Variants in PEX1 observed in about 807,000 individuals in gnomAD.
The protein encoded by PEX1 is peroxisomal ATPase PEX1.
A neutral mutation model predicts 152.5 loss-of-function variants in PEX1; 97 were observed. The observed-to-expected ratio is 0.64, with a 90% confidence interval of 0.54 to 0.75. PEX1 has a LOEUF of 0.75. PEX1 is among the 30% of genes least tolerant of loss of function. The probability of loss-of-function intolerance (pLI) is 0.00; values close to 1 mark genes in which losing one functional copy is unlikely to be tolerated. For missense variants in PEX1, 1,357 were observed against 1,516.3 expected (o/e 0.89, Z 1.74); for synonymous variants, 485 against 531.6 (o/e 0.91, Z 1.21).
chr7:92,494,577 C>T lies in PEX1; in HGVS notation c.2836G>A (p.Ala946Thr). Residue 946 changes from alanine (A) to threonine (T), a missense_variant, in exon 18 of 24, where the codon GCT becomes ACT. Ala to Thr is a moderately conservative substitution (Grantham distance 58). Coordinates refer to ENST00000248633, the MANE Select transcript of PEX1 (RefSeq NM_000466.3). ...ILFFDEFESI[A>T]PRRGHDNTGV... ...GTATTATCATGACCCCGCCGAGGAG[C>T]AATGGATTCAAATTCATCAAAGAAA... 1 of 1,613,954 alleles carries T rather than the reference C, an allele frequency of 6.2e-7. No homozygotes were observed. The highest frequency in any genetic ancestry group is 8.5e-7 in the Non-Finnish European group (1 of 1,179,858).
In PEX1 at chr7:92,494,625, G is replaced by C; in HGVS notation, c.2788C>G (p.Gln930Glu). Residue 930 changes from glutamine (Q) to glutamate (E), a missense_variant, in exon 18 of 24, where the codon CAG becomes GAG. Transcript: ENST00000248633. ...QAVRDIFIRA[Q>E]AAKPCILFFD... ...AAAAGAATGCAGGGCTTTGCAGCCT[G>C]TGCTCTGGGAAAAACAAACAACATT... 1.9e-6 allele frequency: 3 copies of C among 1,613,842 alleles called. No homozygotes were observed. The African/African-American group carries it at 4.0e-5, about 22-fold the overall frequency.
intron 11 of PEX1, 120 bp from the exon 12 acceptor site, chr7:92,505,022 ATT>A: frequency 1.3e-6 from 1 of 743,656 alleles, no homozygotes; most frequent in Non-Finnish European, 2.3e-6. Context: ...TTTGATCTAT[ATT>A]TTATTAATAT....
At chr7:92,508,214 G>C (rs1792291676) in intron 9 of PEX1, among the ~76,000 whole-genome samples, 2 of 152,156 alleles carry the variant, frequency 1.3e-5, no homozygotes. Context: ...CTTCTTGACT[G>C]TGACTGCCTG....
At chr7:92,506,680 C>G (rs1157752946) in intron 10 of PEX1, 8 of 496,340 alleles carry the variant, frequency 1.6e-5, no homozygotes, top group Non-Finnish European at 2.9e-5. Context: ...GTATGCAAGG[C>G]TGGTTCAACA....
At chr7:92,493,164 ATAAAAT>A in intron 19 of PEX1, 35 bp from the exon 20 acceptor site, 1 of 1,184,466 alleles carries the variant, frequency 8.4e-7, no homozygotes. Context: ...CAAATAAAAA[ATAAAAT>A]TAAAAATATT....
chr7:92,500,197 A>C (rs73710410), intron 15 of PEX1, among the ~76,000 whole-genome samples: 4,943 of 152,312 alleles, frequency 0.032, 106 homozygotes, highest in Non-Finnish European at 0.042. Context: ...AAGTTATGAG[A>C]GCTGTGTACA....
chr7:92,510,896 A>G, intron 8 of PEX1, 48 bp downstream of exon 8: 1 of 999,478 alleles, frequency 1.0e-6, no homozygotes, highest in Non-Finnish European at 1.6e-6. Flanking sequence ...ATTATCAATC[A>G]TATGTAACAA....
At chr7:92,515,078 T>TCC (rs1792669843) in intron 5 of PEX1, among the ~76,000 whole-genome samples, 2 of 538 alleles carry the variant, frequency 3.7e-3, no homozygotes, top group African/African-American at 0.014. Context: ...TATATATATA[T>TCC]ATATATATAT....
chr7:92,503,201 A>G lies in PEX1; in HGVS notation c.2072-6T>C, dbSNP rs761399118. 4 of 1,612,408 alleles carry G rather than the reference A, an allele frequency of 2.5e-6. No individual in the cohort carries two copies. The African/African-American group carries it at 4.0e-5, about 16-fold the overall frequency. On this transcript the variant is annotated splice_region_variant and splice_polypyrimidine_tract_variant and intron_variant, in intron 12 of 23. Coordinates refer to ENST00000248633, the MANE Select transcript of PEX1 (RefSeq NM_000466.3). The stretch of plus-strand genomic sequence containing the variant: ...TTTTATCATATCATTCAAAGCTGGA[A>G]TTAAGCAATATAGTGCAAAAGCTTA...
intron 20 of PEX1, 199 bp from the exon 21 acceptor site, chr7:92,491,701 T>C: frequency 1.9e-6 from 1 of 538,936 alleles, no homozygotes; most frequent in Non-Finnish European, 3.3e-6. Context: ...AGATAGAATG[T>C]GTAGATAATT....
chr7:92,496,916 G>A (rs1791680172), intron 16 of PEX1, 139 bp from the exon 17 acceptor site: 2 of 667,512 alleles, frequency 3.0e-6, no homozygotes, highest in Non-Finnish European at 5.4e-6. Flanking sequence ...AAATTAATGT[G>A]TGCTAGAATA....
chr7:92,504,839 T>G lies in PEX1; in HGVS notation c.1964A>C (p.Gln655Pro). ...EVAFSEAVWM[Q>P]PSVVLLDDLD... Reference sequence around the variant, plus strand: ...GTCATCCAGCAGGACAACAGATGGCTGCATCCACACTGCCTCTGAGAAAGC... The same window carrying G: ...GTCATCCAGCAGGACAACAGATGGCGGCATCCACACTGCCTCTGAGAAAGC... The change falls in exon 12 of 24, where the codon CAG becomes CCG. Residue 655 changes from glutamine (Q) to proline (P), a missense_variant. Coordinates refer to ENST00000248633, the MANE Select transcript of PEX1 (RefSeq NM_000466.3). 1.2e-6 allele frequency: 2 copies of G among 1,614,056 alleles called. No individual in the cohort carries two copies. Among genetic ancestry groups the G allele is most frequent in the Non-Finnish European group, 1.7e-6 (2 of 1,179,886 alleles).
intron 2 of PEX1, among the ~76,000 whole-genome samples, chr7:92,519,534 G>C (rs1792961141): frequency 6.6e-6 from 1 of 152,112 alleles, no homozygotes; most frequent in African/African-American, 2.4e-5. Flanking sequence ...TTTCAAAAAT[G>C]AAAGTAATCA....
chr7:92,502,280 T>G (rs1286041707), intron 13 of PEX1, among the ~76,000 whole-genome samples: 1 of 152,114 alleles, frequency 6.6e-6, no homozygotes. Context: ...TTTCCTTAAT[T>G]GTGGTGATGG....
intron 2 of PEX1, among the ~76,000 whole-genome samples, chr7:92,519,510 C>T (rs551396955): frequency 6.6e-6 from 1 of 152,222 alleles, no homozygotes; most frequent in Admixed American, 6.5e-5. Flanking sequence ...AAATACATCT[C>T]AGCATGACAT....
intron 2 of PEX1, among the ~76,000 whole-genome samples, chr7:92,521,116 T>G (rs765018507): frequency 6.6e-6 from 1 of 152,134 alleles, no homozygotes; most frequent in African/African-American, 2.4e-5. Context: ...TTTGCTACCA[T>G]GCCCAGCTAA....
At chr7:92,521,685 C>T (rs1261062022) in intron 2 of PEX1, among the ~76,000 whole-genome samples, 1 of 152,176 alleles carries the variant, frequency 6.6e-6, no homozygotes, top group African/African-American at 2.4e-5. Context: ...TATCCGCCCA[C>T]CTTGGCCTCC....
At chr7:92,496,626 G>C in intron 17 of PEX1, 87 bp downstream of exon 17, 3 of 870,346 alleles carry the variant, frequency 3.4e-6, no homozygotes, top group Non-Finnish European at 6.0e-6. Flanking sequence ...TCAAATATCA[G>C]TTCTTCAAAA....
intron 11 of PEX1, among the ~76,000 whole-genome samples, chr7:92,505,980 T>C (rs528299188): frequency 6.6e-6 from 1 of 152,194 alleles, no homozygotes; most frequent in South Asian, 2.1e-4. Flanking sequence ...AGTACTAATT[T>C]TTCAGAGTGG....
Sources: gnomAD v4.1 joint callset for allele counts (sites outside exome capture counted in the v4.1 genomes callset) on GRCh38, gnomAD v4.1.1 for gene constraint, MANE v1.5 for transcripts, NCBI Gene and HGNC (gene_info 2026-07-23, HGNC 2026-07-21) for gene names.